NUDT16L1: variants seen among roughly 807,000 people sequenced by gnomAD.
NUDT16L1 encodes nudix hydrolase 16 like 1, also known as tudor-interacting repair regulator protein.
Under a neutral mutation model 17.3 loss-of-function variants are expected in NUDT16L1, and 19 were observed. That is an observed-to-expected ratio of 1.10 (90% CI 0.77 to 1.61). NUDT16L1 has a LOEUF of 1.61. Ranked by LOEUF, NUDT16L1 falls within the 40% of genes most tolerant of loss-of-function variation. The pLI, the probability that NUDT16L1 is intolerant of heterozygous loss-of-function variation, is 0.00. For missense variants in NUDT16L1, 341 were observed against 292.0 expected, an observed-to-expected ratio of 1.17 and a Z score of -1.22; for synonymous variants, 255 against 138.6, an observed-to-expected ratio of 1.84 and a Z score of -5.90.
chr16:4,693,843 G>T, exon 1 of NUDT16L1: 1 of 1,560,826 alleles, frequency 6.4e-7, no homozygotes. Context: ...ACCCTGGGCA[G>T]CTCTTCGGCC....
In NUDT16L1 at chr16:4,694,010, C is replaced by T. The variant is rs963419451; in HGVS notation, c.186C>T (p.Phe62=). 1.5e-5 allele frequency: 23 copies of T among 1,584,494 alleles called. No individual in the cohort carries two copies. In the Admixed American group the frequency reaches 2.9e-4, roughly 20 times the overall value. The change falls in exon 2 of 3, where the codon TTC becomes TTT. Residue 62 remains phenylalanine, a synonymous_variant. Transcript: ENST00000304301. Reference sequence around the variant, plus strand: ...TGCGTTTCGACGGGCTGCTGGGCTTCCCCGGGGGCTTCGTGGACCGGCGCT... The same window carrying T: ...TGCGTTTCGACGGGCTGCTGGGCTTTCCCGGGGGCTTCGTGGACCGGCGCT...
intron 2 of NUDT16L1, chr16:4,694,642 T>G: frequency 1.1e-5 from 15 of 1,386,042 alleles, no homozygotes; most frequent in South Asian, 1.6e-5. Flanking sequence ...CTTTGTGGTC[T>G]GGAAGGGCTG....
chr16:4,695,199 C>T, exon 3 of NUDT16L1: 1 of 1,606,224 alleles, frequency 6.2e-7, no homozygotes, highest in Non-Finnish European at 8.5e-7. Flanking sequence ...GAGCTGGTGG[C>T]ACCCTCCCCT....
At chr16:4,694,182 G>C (rs1411890545) in exon 2 of NUDT16L1, 2 of 1,576,308 alleles carry the variant, frequency 1.3e-6, no homozygotes, top group Non-Finnish European at 1.7e-6. Flanking sequence ...GCTGACGCTG[G>C]AGCAGCTGCA....
chr16:4,693,980 G>C, exon 2 of NUDT16L1: 2 of 1,575,332 alleles, frequency 1.3e-6, no homozygotes, highest in Non-Finnish European at 1.7e-6. Context: ...CCTTGCAGAT[G>C]CAGATGCGTT....
chr16:4,695,765 G>A (rs2079528856), exon 3 of NUDT16L1: 1 of 397,814 alleles, frequency 2.5e-6, no homozygotes, highest in Non-Finnish European at 4.4e-6. Context: ...TGGTTCCCAG[G>A]GACAGTCAGG....
At chr16:4,694,484 C>T (rs1197091068) in intron 2 of NUDT16L1, 4 of 1,500,476 alleles carry the variant, frequency 2.7e-6, no homozygotes, top group East Asian at 5.1e-5. Flanking sequence ...CTGCCATTGC[C>T]AATCCTGGGA....
chr16:4,693,681 G>A, upstream of NUDT16L1: 4 of 1,394,406 alleles, frequency 2.9e-6, no homozygotes, highest in South Asian at 3.2e-5. Flanking sequence ...GGGCGGGCTC[G>A]CGCATGCTCT....
exon 1 of NUDT16L1, chr16:4,693,836 C>G (rs777503099): frequency 1.9e-6 from 3 of 1,563,756 alleles, no homozygotes; most frequent in Non-Finnish European, 2.6e-6. Flanking sequence ...GCCGCCAACC[C>G]TGGGCAGCTC....
In NUDT16L1 at chr16:4,695,462, C is replaced by T. The variant is rs142423436; in HGVS notation, c.*283C>T. On this transcript the variant is annotated 3_prime_UTR_variant, in exon 3 of 3. Transcript: ENST00000304301. The stretch of plus-strand genomic sequence containing the variant: ...TCTGGGCTCAGACCCTCCTCTTGTA[C>T]GTCTCATCACAGCTGGTAGAGACCC... 2.3e-3 allele frequency: 1,336 copies of T among 584,220 alleles called. 5 individuals are homozygous for T. Among genetic ancestry groups the T allele is most frequent in the Non-Finnish European group, 3.3e-3 (1,078 of 328,550 alleles). 36.2% of individuals were successfully genotyped at this position (584,220 alleles called of 1,614,324 possible).
In NUDT16L1 at chr16:4,694,735, G is replaced by C. The variant is rs551717181; in HGVS notation, c.415-223G>C. Reference sequence around the variant, plus strand: ...GGGGTGGGGTGGCCTGGGTACGAGGGGGGGGAGTGCATGGGGTCAGCCTCC... The same window carrying C: ...GGGGTGGGGTGGCCTGGGTACGAGGCGGGGGAGTGCATGGGGTCAGCCTCC... On this transcript the variant is annotated intron_variant, in intron 2 of 2. Coordinates refer to ENST00000304301, the Ensembl canonical transcript of NUDT16L1. 1.0e-4 allele frequency: 148 copies of C among 1,426,816 alleles called. 2 individuals are homozygous for C. Among genetic ancestry groups the C allele is most frequent in the African/African-American group, 4.3e-4 (30 of 69,338 alleles). The allele number at this position is 1,426,816 out of a possible 1,614,324, so 88.4% of individuals were successfully genotyped here.
chr16:4,694,890 G>T, intron 2 of NUDT16L1, 68 bp from the exon 3 acceptor site: 1 of 1,534,618 alleles, frequency 6.5e-7, no homozygotes, highest in Non-Finnish European at 8.7e-7. Flanking sequence ...ATAGCTTCCA[G>T]GCCCCTCCTG....
intron 2 of NUDT16L1, 169 bp downstream of exon 2, chr16:4,694,407 A>G: frequency 7.9e-7 from 1 of 1,270,510 alleles, no homozygotes; most frequent in Non-Finnish European, 1.1e-6. Flanking sequence ...GAGGCCGGGA[A>G]AGGAGGGGCG....
At chr16:4,694,767 G>C (rs2079501316) in intron 2 of NUDT16L1, 191 bp from the exon 3 acceptor site, 6 of 1,431,128 alleles carry the variant, frequency 4.2e-6, no homozygotes, top group Non-Finnish European at 5.5e-6. Flanking sequence ...CTCCACACTT[G>C]CTTGGGGAGG....
At chr16:4,694,748 G>A (rs965821771) in intron 2 of NUDT16L1, 45 of 1,427,706 alleles carry the variant, frequency 3.2e-5, no homozygotes, top group Non-Finnish European at 3.7e-5. Context: ...GGGAGTGCAT[G>A]GGGTCAGCCT....
chr16:4,694,504 T>C, intron 2 of NUDT16L1: 1 of 1,350,918 alleles, frequency 7.4e-7, no homozygotes, highest in Non-Finnish European at 9.5e-7. Context: ...AGTGGGGGAG[T>C]GGGATCGGTG....
exon 2 of NUDT16L1, chr16:4,694,187 G>A (rs1161246407): frequency 1.3e-6 from 2 of 1,571,648 alleles, no homozygotes; most frequent in Non-Finnish European, 1.7e-6. Flanking sequence ...CGCTGGAGCA[G>A]CTGCACGCCG....
At chr16:4,693,678 C>G, upstream of NUDT16L1, 1 of 1,388,634 alleles carries the variant, frequency 7.2e-7, no homozygotes. Context: ...CGGGGGCGGG[C>G]TCGCGCATGC....
exon 3 of NUDT16L1, chr16:4,695,158 G>A (rs766008056): frequency 6.8e-6 from 11 of 1,612,848 alleles, no homozygotes; most frequent in Middle Eastern, 1.6e-4. Context: ...CCCTGGAGAA[G>A]TTGCTCCCGG....
Sources: allele counts gnomAD v4.1 joint callset, GRCh38; gene constraint gnomAD v4.1.1; transcripts MANE v1.5; gene names NCBI Gene and HGNC (gene_info 2026-07-23, HGNC 2026-07-21).